Variants in CEMIP observed in about 807,000 individuals in gnomAD.
CEMIP encodes the protein cell migration inducing hyaluronidase 1.
A neutral mutation model predicts 156.9 loss-of-function variants in CEMIP; 105 were observed. The observed-to-expected ratio is 0.67, with a 90% CI of 0.57 to 0.79. The LOEUF is 0.79. CEMIP is among the 30% of genes least tolerant of loss of function. The pLI, the probability that CEMIP is intolerant of heterozygous loss-of-function variation, is 0.00. For missense variants in CEMIP, 1,457 were observed against 1,769.4 expected (o/e 0.82, Z 3.17); for synonymous variants, 676 against 668.4 (o/e 1.01, Z -0.17).
intron 1 of CEMIP, among the ~76,000 whole-genome samples, chr15:80,797,041 G>T (rs1005904514): frequency 6.6e-6 from 1 of 152,170 alleles, no homozygotes; most frequent in African/African-American, 2.4e-5. Flanking sequence ...GCTGGATGTG[G>T]AGAGAGATGA....
chr15:80,901,866 C>T lies in CEMIP; in HGVS notation c.1412-4797C>T, dbSNP rs1899574184. Reference sequence around the variant, plus strand: ...CACTGATGTAGGTCAAGCAAGTCAACAGCTGAGCCAGGATTTCAACTCAGC... The same window carrying T: ...CACTGATGTAGGTCAAGCAAGTCAATAGCTGAGCCAGGATTTCAACTCAGC... On this transcript the variant is annotated intron_variant, in intron 12 of 29. Transcript: ENST00000394685. Among the ~76,000 whole-genome samples the T allele has an allele frequency of 2.0e-5, 3 of 152,186 alleles. No homozygotes were observed. The South Asian group carries it at 6.2e-4, about 32-fold the overall frequency.
intron 1 of CEMIP, among the ~76,000 whole-genome samples, chr15:80,810,602 T>G (rs11072946): frequency 0.58 from 88,447 of 152,084 alleles, 25,953 homozygotes; most frequent in East Asian, 0.67. Context: ...TGATCCGCCC[T>G]CCTCGGCCTC....
intron 1 of CEMIP, among the ~76,000 whole-genome samples, chr15:80,830,521 T>C (rs1178341937): frequency 1.3e-5 from 2 of 152,148 alleles, no homozygotes; most frequent in Non-Finnish European, 1.5e-5. Flanking sequence ...TGGAGCTCAA[T>C]GGGATCAACC....
At chr15:80,870,902 G>A (rs1782958095) in intron 1 of CEMIP, among the ~76,000 whole-genome samples, 1 of 152,174 alleles carries the variant, frequency 6.6e-6, no homozygotes, top group Admixed American at 6.5e-5. Flanking sequence ...AGGTCCTCAT[G>A]GCTCGATCTC....
At chr15:80,839,830 C>T (rs975781638) in intron 1 of CEMIP, among the ~76,000 whole-genome samples, 4 of 152,294 alleles carry the variant, frequency 2.6e-5, no homozygotes, top group Non-Finnish European at 5.9e-5. Flanking sequence ...CCTTCAGTCT[C>T]GATTATGTCC....
intron 1 of CEMIP, among the ~76,000 whole-genome samples, chr15:80,850,331 C>T (rs1897682807): frequency 6.6e-6 from 1 of 152,142 alleles, no homozygotes; most frequent in South Asian, 2.1e-4. Flanking sequence ...GGCTGGAGTG[C>T]AGTAGCGCAA....
chr15:80,936,711 T>TGAA lies in CEMIP; in HGVS notation c.3050_3052dup (p.Lys1017dup). Reference sequence around the variant, plus strand: ...GCCTACAAGACCAGTAACCTGCGAATGAAGATCATCAAGAATGACTTCCCC... The same window carrying TGAA: ...GCCTACAAGACCAGTAACCTGCGAATGAAGAAGATCATCAAGAATGACTTCCCC... On this transcript the variant is annotated inframe_insertion, in exon 24 of 30. Coordinates refer to ENST00000394685, the MANE Select transcript of CEMIP (RefSeq NM_001293298.2). 6.2e-7 allele frequency: 1 copy of TGAA among 1,614,208 alleles called. No individual in the cohort carries two copies. The highest frequency in any genetic ancestry group is 8.5e-7 in the Non-Finnish European group (1 of 1,180,044).
intron 12 of CEMIP, among the ~76,000 whole-genome samples, chr15:80,900,622 G>C (rs1016804099): frequency 6.9e-6 from 1 of 145,146 alleles, no homozygotes; most frequent in African/African-American, 2.6e-5. Flanking sequence ...GTGTGTGTGT[G>C]TGTGTGTGTG....
At chr15:80,785,662 G>A (rs1404623574) in intron 1 of CEMIP, among the ~76,000 whole-genome samples, 2 of 152,140 alleles carry the variant, frequency 1.3e-5, no homozygotes, top group African/African-American at 4.8e-5. Flanking sequence ...GAGACCTGCT[G>A]GAGAAATGAA....
intron 1 of CEMIP, among the ~76,000 whole-genome samples, chr15:80,826,752 G>A (rs573680917): frequency 1.8e-4 from 28 of 152,314 alleles, no homozygotes; most frequent in Non-Finnish European, 3.7e-4. Context: ...TCCAGGGATG[G>A]ATGCCTTTAA....
At chr15:80,925,868 T>G in intron 19 of CEMIP, 113 bp downstream of exon 19, 1 of 1,436,182 alleles carries the variant, frequency 7.0e-7, no homozygotes, top group Non-Finnish European at 9.2e-7. Context: ...CATACTGACG[T>G]TTGGCCTTCT....
intron 1 of CEMIP, among the ~76,000 whole-genome samples, chr15:80,797,090 G>A (rs1896249351): frequency 6.6e-6 from 1 of 152,148 alleles, no homozygotes; most frequent in African/African-American, 2.4e-5. Context: ...GTCTTATTAG[G>A]TAAGGTTGGA....
chr15:80,903,818 C>A (rs1241989069), intron 12 of CEMIP, among the ~76,000 whole-genome samples: 2 of 152,204 alleles, frequency 1.3e-5, no homozygotes, highest in Non-Finnish European at 2.9e-5. Context: ...CTGCCCCCCA[C>A]ACCTGGGAAG....
At chr15:80,838,821 G>C (rs138369245) in intron 1 of CEMIP, among the ~76,000 whole-genome samples, 2,891 of 152,294 alleles carry the variant, frequency 0.019, 52 homozygotes, top group Non-Finnish European at 0.025. Flanking sequence ...GGTTCAGACA[G>C]GTTGGGCAAC....
At chr15:80,892,316 A>G (rs1899058771) in intron 10 of CEMIP, among the ~76,000 whole-genome samples, 1 of 152,204 alleles carries the variant, frequency 6.6e-6, no homozygotes, top group African/African-American at 2.4e-5. Flanking sequence ...TGACCTTAAG[A>G]AAAGCTTTTC....
At chr15:80,903,954 T>C (rs28444212) in intron 12 of CEMIP, among the ~76,000 whole-genome samples, 17,776 of 152,170 alleles carry the variant, frequency 0.12, 3,335 homozygotes, top group African/African-American at 0.4. Context: ...GACACATGGC[T>C]CTGTGGCCCA....
At chr15:80,840,973 C>T (rs1240174801) in intron 1 of CEMIP, among the ~76,000 whole-genome samples, 2 of 152,168 alleles carry the variant, frequency 1.3e-5, no homozygotes, top group Non-Finnish European at 2.9e-5. Flanking sequence ...GGGAGGAGGA[C>T]ACAGCTTTTG....
At chr15:80,887,130 T>G (rs889193059) in intron 7 of CEMIP, among the ~76,000 whole-genome samples, 1 of 152,150 alleles carries the variant, frequency 6.6e-6, no homozygotes, top group African/African-American at 2.4e-5. Flanking sequence ...GGAGGAATGA[T>G]GGATGTACAA....
intron 12 of CEMIP, chr15:80,901,011 A>G (rs1436749540): frequency 2.2e-6 from 1 of 453,596 alleles, no homozygotes; most frequent in African/African-American, 2.0e-5. Context: ...AAATGCATGA[A>G]TCATCTAAAA....
Sources: gnomAD v4.1 joint callset for allele counts (sites outside exome capture counted in the v4.1 genomes callset) on GRCh38, gnomAD v4.1.1 for gene constraint, MANE v1.5 for transcripts, NCBI Gene and HGNC (gene_info 2026-07-23, HGNC 2026-07-21) for gene names.